RAD51: variants seen among roughly 807,000 people sequenced by gnomAD.
RAD51 encodes RAD51 recombinase.
Under a neutral mutation model 41.5 loss-of-function variants are expected in RAD51, and 14 were observed. The observed-to-expected ratio is 0.34, with a 90% confidence interval of 0.22 to 0.53. RAD51 has a LOEUF of 0.53. Among genes scored for constraint, RAD51 ranks in the 20% least tolerant of loss-of-function variants. RAD51 has a pLI of 0.95. For synonymous variants in RAD51, 136 were observed against 148.6 expected, an observed-to-expected ratio of 0.92 and a Z score of 0.62; for missense variants, 234 against 422.0, an observed-to-expected ratio of 0.55 and a Z score of 3.90.
intron 5 of RAD51, among the ~76,000 whole-genome samples, chr15:40,713,245 C>CA (rs1895802821): frequency 7.9e-6 from 1 of 127,140 alleles, no homozygotes. Flanking sequence ...TCTTATTTTC[C>CA]TTTTTTTTTT....
chr15:40,729,252 A>G (rs1308499403), intron 7 of RAD51, among the ~76,000 whole-genome samples: 3 of 151,546 alleles, frequency 2.0e-5, no homozygotes, highest in African/African-American at 7.3e-5. Context: ...GGGCGCCTGT[A>G]GTCCCAGCTA....
intron 6 of RAD51, among the ~76,000 whole-genome samples, chr15:40,722,152 C>T (rs964387457): frequency 1.3e-5 from 2 of 152,180 alleles, no homozygotes; most frequent in African/African-American, 4.8e-5. Flanking sequence ...TGGCTTATGC[C>T]TGTAATCCCA....
In RAD51 at chr15:40,701,040, A is replaced by G. The variant is rs776269356; in HGVS notation, c.88-24A>G. On this transcript the variant is annotated intron_variant, in intron 2 of 9. Transcript: ENST00000267868. ...GATTAGAGAACTAAAGCTTAAATTT[A>G]TCCATGGTTTTCTTCATTTGCAGCA... 33 of 1,611,862 alleles carry G rather than the reference A, an allele frequency of 2.0e-5. No individual in the cohort carries two copies. In the South Asian group the frequency reaches 3.5e-4, roughly 17 times the overall value.
chr15:40,700,294 A>G (rs1162034356), intron 2 of RAD51, among the ~76,000 whole-genome samples: 3 of 152,222 alleles, frequency 2.0e-5, no homozygotes, highest in African/African-American at 7.2e-5. Flanking sequence ...GAGAAGAGGT[A>G]TAAAAGTCCC....
intron 5 of RAD51, among the ~76,000 whole-genome samples, chr15:40,717,694 G>GT (rs990155039): frequency 4.6e-5 from 7 of 152,088 alleles, no homozygotes; most frequent in African/African-American, 1.7e-4. Flanking sequence ...GAGTAAATAT[G>GT]TTTTTTTCTT....
intron 6 of RAD51, among the ~76,000 whole-genome samples, chr15:40,721,563 G>C (rs753732851): frequency 6.6e-6 from 1 of 151,862 alleles, no homozygotes; most frequent in Non-Finnish European, 1.5e-5. Flanking sequence ...GGCTGGTCTC[G>C]AACTCCTGGC....
At chr15:40,700,986 A>G (rs767688344) in intron 2 of RAD51, 78 bp from the exon 3 acceptor site, 22 of 1,576,068 alleles carry the variant, frequency 1.4e-5, no homozygotes, top group Non-Finnish European at 1.9e-5. Context: ...ACCTCTGTGA[A>G]GTATGTAGGA....
Position 40,698,858 on chromosome 15 carries a change from T to G in RAD51, c.87+13T>G. Reference sequence around the variant, plus strand: ...TTCACGGTTAGAGGTATGTGGTTAGTTGCTAATTTTGGAATTATATACTAG... The same window carrying G: ...TTCACGGTTAGAGGTATGTGGTTAGGTGCTAATTTTGGAATTATATACTAG... On this transcript the variant is annotated intron_variant, in intron 2 of 9. Coordinates refer to ENST00000267868, the MANE Select transcript of RAD51 (RefSeq NM_002875.5). 6.2e-7 allele frequency: 1 copy of G among 1,610,298 alleles called. No individual in the cohort carries two copies. Among genetic ancestry groups the G allele is most frequent in the Non-Finnish European group, 8.5e-7 (1 of 1,176,454 alleles).
chr15:40,730,550 C>T (rs1471457173), intron 9 of RAD51, among the ~76,000 whole-genome samples: 2 of 34,626 alleles, frequency 5.8e-5, no homozygotes, highest in Admixed American at 4.9e-4. Context: ...GAGATGGAGT[C>T]TCGCTGTGTC....
chr15:40,707,926 C>T (rs957130044), intron 4 of RAD51, among the ~76,000 whole-genome samples: 1 of 151,330 alleles, frequency 6.6e-6, no homozygotes, highest in Non-Finnish European at 1.5e-5. Flanking sequence ...CCGTCTTGGC[C>T]AGGCTGGTCT....
intron 3 of RAD51, among the ~76,000 whole-genome samples, chr15:40,702,380 G>A (rs561310581): frequency 1.3e-5 from 2 of 152,116 alleles, no homozygotes; most frequent in Admixed American, 6.6e-5. Context: ...TCACTTCTCT[G>A]TTTCTATGAA....
chr15:40,705,968 G>C (rs1158152928), intron 3 of RAD51, among the ~76,000 whole-genome samples: 1 of 152,056 alleles, frequency 6.6e-6, no homozygotes, highest in Non-Finnish European at 1.5e-5. Flanking sequence ...TTTAAAAATT[G>C]ATCTTCATGG....
rs754879459 is a variant in RAD51, at chr15:40,709,152, A to G, written c.435+36A>G. The G allele has an allele frequency of 2.5e-5, 39 of 1,529,566 alleles. No homozygotes were observed. The East Asian group carries it at 8.1e-4, about 32-fold the overall frequency. 94.7% of individuals were successfully genotyped at this position (1,529,566 alleles called of 1,614,324 possible). Reference sequence around the variant, plus strand: ...GGGGCTATAGCTAATCAAATAAGCAAGCATTACTTCATTCCTGCTATTTGC... The same window carrying G: ...GGGGCTATAGCTAATCAAATAAGCAGGCATTACTTCATTCCTGCTATTTGC... On this transcript the variant is annotated intron_variant, in intron 5 of 9. Coordinates refer to ENST00000267868, the MANE Select transcript of RAD51 (RefSeq NM_002875.5).
chr15:40,729,478 GC>G, intron 7 of RAD51, 26 bp from the exon 8 acceptor site: 1 of 1,611,054 alleles, frequency 6.2e-7, no homozygotes, highest in South Asian at 1.1e-5. Flanking sequence ...CTAGAAATAG[GC>G]TTCAGAGAAT....
chr15:40,698,268 G>A (rs887911116), intron 1 of RAD51, among the ~76,000 whole-genome samples: 12 of 150,664 alleles, frequency 8.0e-5, no homozygotes, highest in African/African-American at 2.9e-4. Flanking sequence ...GGCTCACTGC[G>A]ATCTCTGTCT....
chr15:40,708,934 C>CTT, intron 4 of RAD51, 91 bp from the exon 5 acceptor site: 1 of 1,150,836 alleles, frequency 8.7e-7, no homozygotes. Context: ...CTTACATAAA[C>CTT]ATCTTTCTGA....
chr15:40,724,488 T>G (rs1457132410), intron 6 of RAD51, among the ~76,000 whole-genome samples: 3 of 151,928 alleles, frequency 2.0e-5, no homozygotes. Context: ...TAATGAATAT[T>G]TTGCTGACAA....
intron 3 of RAD51, among the ~76,000 whole-genome samples, chr15:40,703,926 C>T (rs1895158757): frequency 6.6e-6 from 1 of 151,976 alleles, no homozygotes; most frequent in South Asian, 2.1e-4. Context: ...TTTTTAGAGG[C>T]AGAGTCTTGT....
chr15:40,701,090 G>A lies in RAD51; in HGVS notation c.114G>A (p.Val38=). The A allele has an allele frequency of 6.2e-7, 1 of 1,614,234 alleles. No homozygotes were observed. The highest frequency in any genetic ancestry group is 8.5e-7 in the Non-Finnish European group (1 of 1,180,050). ...AGTGTGGCATAAATGCCAACGATGT[G>A]AAGAAATTGGAAGAAGCTGGATTCC... ...LEQCGINAND[V]KKLEEAGFHT... Residue 38 remains valine, a synonymous_variant, in exon 3 of 10, where the codon GTG becomes GTA. Coordinates refer to ENST00000267868, the MANE Select transcript of RAD51 (RefSeq NM_002875.5).
Sources: gnomAD v4.1 joint callset for allele counts (sites outside exome capture counted in the v4.1 genomes callset) on GRCh38, gnomAD v4.1.1 for gene constraint, MANE v1.5 for transcripts, NCBI Gene and HGNC (gene_info 2026-07-23, HGNC 2026-07-21) for gene names.